Variants in PAK1 observed in about 807,000 individuals in gnomAD.
PAK1 encodes p21 (RAC1) activated kinase 1.
A neutral mutation model predicts 67.4 loss-of-function variants in PAK1; 29 were observed. The ratio of observed to expected loss-of-function variants is 0.43; its 90% CI spans 0.32 to 0.59. The LOEUF (loss-of-function observed/expected upper bound fraction) is 0.59. Ranked by LOEUF, PAK1 falls within the 20% of genes least tolerant of loss-of-function variation. The pLI is 0.07. For missense variants in PAK1, 337 were observed against 670.7 expected (o/e 0.50, Z 5.50); for synonymous variants, 223 against 237.4 (o/e 0.94, Z 0.56).
At chr11:77,523,609 G>A in the PAK1 span, among the ~76,000 whole-genome samples, 44 of 152,028 alleles carry the variant, frequency 2.9e-4, no homozygotes, top group African/African-American at 9.2e-4. Context: ...TAGTAGAGAC[G>A]GGGTTTCACT....
At chr11:77,364,853 A>G (rs1036848358) in intron 5 of PAK1, among the ~76,000 whole-genome samples, 2 of 152,238 alleles carry the variant, frequency 1.3e-5, no homozygotes, top group Non-Finnish European at 2.9e-5. Context: ...CATTACTTCA[A>G]ATGAACCAAA....
At chr11:77,421,332 TCTTC>T (rs1320264474) in intron 1 of PAK1, among the ~76,000 whole-genome samples, 1 of 152,218 alleles carries the variant, frequency 6.6e-6, no homozygotes, top group Non-Finnish European at 1.5e-5. Context: ...TTATTCCCTG[TCTTC>T]CTTCAAGTCT....
At chr11:77,511,774 T>C in the PAK1 span, among the ~76,000 whole-genome samples, 2 of 152,218 alleles carry the variant, frequency 1.3e-5, no homozygotes, top group African/African-American at 4.8e-5. Flanking sequence ...AATATGAACA[T>C]TGTTTTTGAC....
chr11:77,352,580 AT>A lies in PAK1; in HGVS notation c.836+955del, dbSNP rs1424291826. The stretch of plus-strand genomic sequence containing the variant: ...AAAGTCTACAGTAGCGTACACAGTA[AT>A]GTCCTAGGCCTCGACATTCACTCAC... On this transcript the variant is annotated intron_variant, in intron 8 of 14. Coordinates refer to ENST00000356341, the MANE Select transcript of PAK1 (RefSeq NM_002576.5). Among the ~76,000 whole-genome samples, 5 of 152,168 alleles carry A rather than the reference AT, an allele frequency of 3.3e-5. No individual in the cohort carries two copies. In the East Asian group the frequency reaches 9.6e-4, roughly 29 times the overall value.
chr11:77,491,775 G>T, the PAK1 span, among the ~76,000 whole-genome samples: 1 of 151,724 alleles, frequency 6.6e-6, no homozygotes, highest in African/African-American at 2.4e-5. Flanking sequence ...AAGGAAAGAG[G>T]AAAGAGAAGA....
chr11:77,353,416 AG>A, intron 8 of PAK1, 119 bp downstream of exon 8: 1 of 696,470 alleles, frequency 1.4e-6, no homozygotes, highest in Non-Finnish European at 2.6e-6. Flanking sequence ...CAGATGGGTG[AG>A]GGGTAAAGTG....
the PAK1 span, chr11:77,514,832 C>T: frequency 2.1e-4 from 1 of 4,850 alleles, no homozygotes; most frequent in Non-Finnish European, 3.5e-4. Context: ...TCTCAATCCT[C>T]ATAACAATCC....
At chr11:77,470,042 C>T (rs182359995) in intron 1 of PAK1, among the ~76,000 whole-genome samples, 1 of 152,174 alleles carries the variant, frequency 6.6e-6, no homozygotes, top group Admixed American at 6.5e-5. Context: ...CTTTTGATAA[C>T]CTTAAACTTG....
chr11:77,326,167 A>G (rs1939791125), intron 14 of PAK1, among the ~76,000 whole-genome samples: 1 of 152,244 alleles, frequency 6.6e-6, no homozygotes, highest in South Asian at 2.1e-4. Flanking sequence ...TGAAACATAT[A>G]TGTTAAATAC....
chr11:77,390,725 C>G (rs1015065186), intron 2 of PAK1, among the ~76,000 whole-genome samples: 10 of 147,534 alleles, frequency 6.8e-5, no homozygotes, highest in Admixed American at 6.1e-4. Context: ...TAGTCTCAAA[C>G]TCCTGAGCTC....
intron 1 of PAK1, among the ~76,000 whole-genome samples, chr11:77,470,740 A>G (rs542265650): frequency 1.3e-5 from 2 of 152,382 alleles, no homozygotes; most frequent in South Asian, 2.1e-4. Flanking sequence ...TTAAGTTAAA[A>G]GACTCAAAAG....
chr11:77,339,857 G>GC (rs1184889285), intron 11 of PAK1, among the ~76,000 whole-genome samples: 4 of 151,154 alleles, frequency 2.6e-5, no homozygotes, highest in African/African-American at 9.7e-5. Context: ...GGCAAAAACC[G>GC]CAATTACTTT....
At chr11:77,463,721 CCT>C (rs1001633949) in intron 1 of PAK1, among the ~76,000 whole-genome samples, 10 of 152,172 alleles carry the variant, frequency 6.6e-5, no homozygotes, top group South Asian at 2.1e-4. Context: ...TTGATAATCC[CCT>C]CTCAGTCCCT....
chr11:77,389,964 T>C (rs1950922421), intron 2 of PAK1, among the ~76,000 whole-genome samples: 1 of 152,232 alleles, frequency 6.6e-6, no homozygotes, highest in Admixed American at 6.5e-5. Context: ...TGTAGACACT[T>C]GGGCTGAAAG....
At chr11:77,378,505 T>C (rs1320547151) in intron 4 of PAK1, among the ~76,000 whole-genome samples, 4 of 152,038 alleles carry the variant, frequency 2.6e-5, no homozygotes, top group East Asian at 3.8e-4. Flanking sequence ...TTAACAATAA[T>C]GATGACAATG....
At chr11:77,421,871 C>A (rs1316564248) in intron 1 of PAK1, among the ~76,000 whole-genome samples, 1 of 152,146 alleles carries the variant, frequency 6.6e-6, no homozygotes, top group East Asian at 1.9e-4. Context: ...TAATGAAATG[C>A]ACAATCTCTG....
intron 9 of PAK1, among the ~76,000 whole-genome samples, chr11:77,344,319 C>T (rs369481762): frequency 2.0e-5 from 3 of 152,216 alleles, no homozygotes; most frequent in East Asian, 3.9e-4. Flanking sequence ...AAAATGCTAG[C>T]GAAACATAAA....
intron 8 of PAK1, among the ~76,000 whole-genome samples, chr11:77,351,813 A>C (rs1375071535): frequency 6.6e-6 from 1 of 151,508 alleles, no homozygotes; most frequent in African/African-American, 2.4e-5. Flanking sequence ...TAACACTGAG[A>C]GCCAGACATT....
rs1487770555 is a variant in PAK1 at position 77,473,776 on chromosome 11, G to GA, written c.-247dup. On this transcript the variant is annotated 5_prime_UTR_variant, in exon 1 of 15. Transcript: ENST00000356341. ...GAGCGAGGCGACGCGGGCGGGGGGG[G>GA]AAGGGGGGACTGAGGGGCGAGGTGC... 1.3e-5 allele frequency: 2 copies of GA among 150,686 alleles called. No individual in the cohort carries two copies. The highest frequency in any genetic ancestry group is 3.0e-5 in the Non-Finnish European group (2 of 67,594). The allele number at this position is 150,686 out of a possible 1,614,324, so 9.3% of individuals were successfully genotyped here.
Sources: allele counts gnomAD v4.1 joint callset (sites outside exome capture counted in the v4.1 genomes callset), GRCh38; gene constraint gnomAD v4.1.1; transcripts MANE v1.5; gene names NCBI Gene and HGNC (gene_info 2026-07-23, HGNC 2026-07-21).